The following USP6NL variants were observed in gnomAD, a reference collection of about 807,000 sequenced individuals.
The protein encoded by USP6NL is USP6 N-terminal like, also known as USP6 N-terminal-like protein.
A neutral mutation model predicts 61.9 loss-of-function variants in USP6NL; 26 were observed. The ratio of observed to expected loss-of-function variants is 0.42; its 90% confidence interval spans 0.31 to 0.58. The LOEUF (loss-of-function observed/expected upper bound fraction) is 0.58. Ranked by LOEUF, USP6NL falls within the 20% of genes least tolerant of loss-of-function variation. USP6NL has a pLI of 0.16. For missense variants in USP6NL, 1,114 were observed against 1,034.3 expected (o/e 1.08, Z -1.06); for synonymous variants, 432 against 390.1 (o/e 1.11, Z -1.27).
intron 13 of USP6NL, among the ~76,000 whole-genome samples, chr10:11,483,522 AGAAGAGAGAGAG>A (rs1462902880): frequency 3.3e-5 from 2 of 61,218 alleles, no homozygotes; most frequent in African/African-American, 7.7e-5. Context: ...GAGGGAGAGG[AGAAGAGAGAGAG>A]GGAGAGAGAG....
At chr10:11,475,888 A>C (rs1832951273) in intron 14 of USP6NL, among the ~76,000 whole-genome samples, 1 of 152,176 alleles carries the variant, frequency 6.6e-6, no homozygotes, top group African/African-American at 2.4e-5. Flanking sequence ...AACAGTAGTC[A>C]CTGTGGGACT....
At chr10:11,501,340 A>G in intron 6 of USP6NL, 132 bp from the exon 7 acceptor site, 1 of 662,380 alleles carries the variant, frequency 1.5e-6, no homozygotes, top group Non-Finnish European at 2.5e-6. Flanking sequence ...ATACATTTCA[A>G]CATGGCACAT....
In USP6NL at chr10:11,592,946, T is replaced by C. The variant is rs1044149962; in HGVS notation, c.4+4685A>G. ...TCCAGTGAATGAAGGTCTTTACTCC[T>C]ATACTATTAGAAAACCACAAATACA... On this transcript the variant is annotated intron_variant, in intron 2 of 14. Transcript: ENST00000609104. The surrounding 1 kb of genome is among the most constrained non-coding windows in gnomAD (Gnocchi z 4.7). 6.6e-5 allele frequency among the ~76,000 whole-genome samples: 10 copies of C among 152,250 alleles called. No individual in the cohort carries two copies. Among genetic ancestry groups the C allele is most frequent in the Non-Finnish European group, 1.5e-5 (1 of 68,046 alleles).
At position 11,523,670 on chromosome 10, in the gene USP6NL, T is replaced by C. The variant is rs537483321; in HGVS notation, c.155+1716A>G. Among the ~76,000 whole-genome samples the C allele has an allele frequency of 4.6e-5, 7 of 152,360 alleles. No homozygotes were observed. In the East Asian group the frequency reaches 9.6e-4, roughly 21 times the overall value. On this transcript the variant is annotated intron_variant, in intron 4 of 14. Coordinates refer to ENST00000609104, the MANE Select transcript of USP6NL (RefSeq NM_014688.5). ...TCTTGTTTCTAGGGCCCCGCTCATGTTGTTTTAAGCAATAAGAAAAGAAAA... is the reference window on the plus strand; with the variant it reads ...TCTTGTTTCTAGGGCCCCGCTCATGCTGTTTTAAGCAATAAGAAAAGAAAA...
At position 11,608,568 on chromosome 10, in the gene USP6NL, G is replaced by A. The variant is rs567497180; in HGVS notation, c.-84+2875C>T. Among the ~76,000 whole-genome samples, 46 of 152,154 alleles carry A rather than the reference G, an allele frequency of 3.0e-4. No individual in the cohort carries two copies. The South Asian group carries it at 9.3e-3, about 31-fold the overall frequency. ...GCCAGCTATCTCTGCCTCATCTTCA[G>A]GTCTTACAAGTCGCTTCCACAGGGG... On this transcript the variant is annotated intron_variant, in intron 1 of 14. Transcript: ENST00000609104.
chr10:11,499,872 T>C lies in USP6NL; in HGVS notation c.384+1229A>G, dbSNP rs993519912. ...ACAGCAGCCCTAAATGAATACAGCA[T>C]GTAAATAAAGTGCTTTTTCTTTCAT... is the stretch of plus-strand genomic sequence containing the variant. On this transcript the variant is annotated intron_variant, in intron 7 of 14. Coordinates refer to ENST00000609104, the MANE Select transcript of USP6NL (RefSeq NM_014688.5). The surrounding 1 kb of genome is among the most constrained non-coding windows in gnomAD (Gnocchi z 4.5). 2.6e-5 allele frequency among the ~76,000 whole-genome samples: 4 copies of C among 152,238 alleles called. No individual in the cohort carries two copies. Among genetic ancestry groups the C allele is most frequent in the Non-Finnish European group, 5.9e-5 (4 of 68,046 alleles).
chr10:11,569,468 T>C lies in USP6NL; in HGVS notation c.4+28163A>G, dbSNP rs968445681. 7.2e-5 allele frequency among the ~76,000 whole-genome samples: 11 copies of C among 152,204 alleles called. 1 individual carries two copies. The South Asian group carries it at 1.9e-3, about 26-fold the overall frequency. On this transcript the variant is annotated intron_variant, in intron 2 of 14. Transcript: ENST00000609104. ...ATAAATATAACCTTCACGTATAGAA[T>C]TTTTAAAGTGTAGTAATAGAAGCAA...
In USP6NL at chr10:11,525,699, G is replaced by A. The variant is rs1835386276; in HGVS notation, c.73-231C>T. ...CTCTGGAAGATGCTGTGTGTCAGCA[G>A]CAGCTGACGCGGAGCTGAGCCAGGA... On this transcript the variant is annotated intron_variant, in intron 3 of 14. Coordinates refer to ENST00000609104, the MANE Select transcript of USP6NL (RefSeq NM_014688.5). This position sits in a 1 kb window ranked among gnomAD's most constrained non-coding sequence, Gnocchi z 5.0. Among the ~76,000 whole-genome samples, 1 of 152,168 alleles carries A rather than the reference G, an allele frequency of 6.6e-6. No homozygotes were observed. Among genetic ancestry groups the A allele is most frequent in the African/African-American group, 2.4e-5 (1 of 41,444 alleles).
intron 2 of USP6NL, among the ~76,000 whole-genome samples, chr10:11,580,910 G>A (rs1437974832): frequency 8.5e-6 from 1 of 117,068 alleles, no homozygotes; most frequent in Non-Finnish European, 1.9e-5. Context: ...GATGGATGGG[G>A]GAGGCACACA....
At chr10:11,576,040 T>C (rs1331152277) in intron 2 of USP6NL, among the ~76,000 whole-genome samples, 2 of 151,936 alleles carry the variant, frequency 1.3e-5, no homozygotes, top group African/African-American at 4.8e-5. Context: ...GGATATATAC[T>C]TCAAAATAGT....
At chr10:11,582,993 A>C (rs1432754043) in intron 2 of USP6NL, among the ~76,000 whole-genome samples, 1 of 149,898 alleles carries the variant, frequency 6.7e-6, no homozygotes, top group East Asian at 1.9e-4. Context: ...ACCTCCTTCC[A>C]TTCTACAAAG....
At chr10:11,565,245 T>C (rs1038189264) in intron 2 of USP6NL, 3 of 152,194 alleles carry the variant, frequency 2.0e-5, no homozygotes, top group South Asian at 2.1e-4. Flanking sequence ...CACTTGAGTA[T>C]ACCCAAGAAG....
chr10:11,504,710 C>T (rs1030879117), intron 6 of USP6NL, among the ~76,000 whole-genome samples: 17 of 152,178 alleles, frequency 1.1e-4, no homozygotes, highest in Admixed American at 6.5e-5. Context: ...TGGCTACAAA[C>T]ATGAAAAAGA....
intron 2 of USP6NL, among the ~76,000 whole-genome samples, chr10:11,542,143 A>G (rs1211213933): frequency 6.6e-6 from 1 of 152,176 alleles, no homozygotes; most frequent in Admixed American, 6.5e-5. Flanking sequence ...TTCCTTGGAG[A>G]AATGAGATGA....
chr10:11,587,380 A>G lies in USP6NL; in HGVS notation c.4+10251T>C, dbSNP rs1222753036. On this transcript the variant is annotated intron_variant, in intron 2 of 14. Coordinates refer to ENST00000609104, the MANE Select transcript of USP6NL (RefSeq NM_014688.5). The surrounding 1 kb of genome is among the most constrained non-coding windows in gnomAD (Gnocchi z 4.5). ...ATTTCCTATCCTTTGCAATATTCCA[A>G]GTTAATCTTCTAGCTTTCACTATCC... is the stretch of plus-strand genomic sequence containing the variant. Among the ~76,000 whole-genome samples the G allele has an allele frequency of 6.6e-6, 1 of 152,150 alleles. No homozygotes were observed. Among genetic ancestry groups the G allele is most frequent in the Non-Finnish European group, 1.5e-5 (1 of 68,030 alleles).
chr10:11,529,511 C>T (rs772128893), intron 2 of USP6NL, among the ~76,000 whole-genome samples: 4 of 152,120 alleles, frequency 2.6e-5, no homozygotes, highest in Non-Finnish European at 5.9e-5. Flanking sequence ...TTTGTAAAAG[C>T]TTATTTGGGA....
At chr10:11,475,327 G>A (rs1832925300) in intron 14 of USP6NL, among the ~76,000 whole-genome samples, 1 of 150,662 alleles carries the variant, frequency 6.6e-6, no homozygotes, top group Non-Finnish European at 1.5e-5. Flanking sequence ...TGTAAAAGAG[G>A]CTGGGTGCGG....
At chr10:11,509,789 A>T in intron 5 of USP6NL, 114 bp from the exon 6 acceptor site, 1 of 802,268 alleles carries the variant, frequency 1.2e-6, no homozygotes, top group East Asian at 2.7e-5. Context: ...ATGCTATATT[A>T]GCAGATATCC....
intron 6 of USP6NL, among the ~76,000 whole-genome samples, chr10:11,506,510 A>T (rs1009674955): frequency 2.0e-5 from 3 of 152,020 alleles, no homozygotes. Flanking sequence ...ATTAGCAGGC[A>T]TGGTGGTGCT....
Sources: allele counts gnomAD v4.1 joint callset (sites outside exome capture counted in the v4.1 genomes callset), GRCh38; gene constraint gnomAD v4.1.1; non-coding constraint Gnocchi (gnomAD v3.1); transcripts MANE v1.5; gene names NCBI Gene and HGNC (gene_info 2026-07-23, HGNC 2026-07-21).